The following TGIF2 variants were observed in gnomAD, a reference collection of about 807,000 sequenced individuals.
TGIF2 encodes homeobox protein TGIF2.
In TGIF2, 5 loss-of-function variants were observed where a neutral mutation model predicts 15.1. The observed-to-expected ratio is 0.33, with a 90% CI of 0.17 to 0.70. TGIF2 has a LOEUF of 0.70. TGIF2 is among the 30% of genes least tolerant of loss of function. TGIF2 has a pLI of 0.67. For synonymous variants in TGIF2, 131 were observed against 128.9 expected (o/e 1.02, Z -0.11); for missense variants, 264 against 302.5 (o/e 0.87, Z 0.94).
Position 36,592,172 on chromosome 20 carries a change from A to AG in TGIF2, c.*741_*742insG, listed in dbSNP as rs2038779332. 1 of 152,410 alleles carries AG rather than the reference A, an allele frequency of 6.6e-6. No individual in the cohort carries two copies. The allele number at this position is 152,410 out of a possible 1,614,324, so 9.4% of individuals were successfully genotyped here. ...GTTTACCAAAAAAAAGGCAGGGAAAAAAAAAAAAAACAACCGTATGAGCGC... is the reference window on the plus strand; with the variant it reads ...GTTTACCAAAAAAAAGGCAGGGAAAAGAAAAAAAAAACAACCGTATGAGCGC... On this transcript the variant is annotated 3_prime_UTR_variant, in exon 3 of 3. Transcript: ENST00000373872.
At chr20:36,574,439 T>TGGGGGGGGGGGGG (rs1237948383) in intron 1 of TGIF2, 2 of 7,986 alleles carry the variant, frequency 2.5e-4, no homozygotes, top group Admixed American at 1.4e-3. Flanking sequence ...GGCGCAGGGC[T>TGGGGGGGGGGGGG]GGGGGGGGGG....
intron 1 of TGIF2, among the ~76,000 whole-genome samples, chr20:36,577,613 G>A (rs1040587386): frequency 2.0e-5 from 3 of 150,770 alleles, no homozygotes; most frequent in Non-Finnish European, 2.9e-5. Flanking sequence ...CCACCTCCCA[G>A]GTTCAAGCAA....
At chr20:36,590,205 C>T (rs988410297) in intron 2 of TGIF2, among the ~76,000 whole-genome samples, 1 of 152,220 alleles carries the variant, frequency 6.6e-6, no homozygotes, top group Non-Finnish European at 1.5e-5. Flanking sequence ...GATCTGCCCA[C>T]CTCGGCCTCC....
intron 1 of TGIF2, among the ~76,000 whole-genome samples, chr20:36,576,189 G>C (rs1479983744): frequency 6.6e-6 from 1 of 152,206 alleles, no homozygotes; most frequent in Admixed American, 6.5e-5. Context: ...GGGTTATCTA[G>C]GGAAAATCCT....
At chr20:36,575,866 G>A (rs2038417179) in intron 1 of TGIF2, among the ~76,000 whole-genome samples, 1 of 152,104 alleles carries the variant, frequency 6.6e-6, no homozygotes, top group Non-Finnish European at 1.5e-5. Flanking sequence ...GCCGAGGCGG[G>A]CAGATCACCT....
intron 1 of TGIF2, among the ~76,000 whole-genome samples, chr20:36,576,793 C>A (rs1600767491): frequency 6.6e-6 from 1 of 152,164 alleles, no homozygotes; most frequent in African/African-American, 2.4e-5. Flanking sequence ...GCAACCTCTG[C>A]CTCCGGGCTC....
intron 1 of TGIF2, among the ~76,000 whole-genome samples, chr20:36,577,127 C>G (rs983945607): frequency 2.0e-5 from 3 of 152,166 alleles, no homozygotes; most frequent in Non-Finnish European, 4.4e-5. Flanking sequence ...ATCCTCTCAC[C>G]TCAGCCTCTC....
chr20:36,579,731 C>T (rs190048659), intron 2 of TGIF2, among the ~76,000 whole-genome samples: 2 of 152,250 alleles, frequency 1.3e-5, no homozygotes, highest in Non-Finnish European at 2.9e-5. Context: ...TTCTGCCTCA[C>T]GTCTTGATTT....
At chr20:36,584,391 G>T (rs566732629) in intron 2 of TGIF2, among the ~76,000 whole-genome samples, 1 of 152,118 alleles carries the variant, frequency 6.6e-6, no homozygotes, top group Non-Finnish European at 1.5e-5. Context: ...GTATCTGGTA[G>T]GTAGGTGCTC....
chr20:36,576,093 A>G (rs2038423348), intron 1 of TGIF2, among the ~76,000 whole-genome samples: 1 of 147,254 alleles, frequency 6.8e-6, no homozygotes, highest in South Asian at 2.1e-4. Context: ...CTCCATCTCA[A>G]AAAAAAAAAA....
chr20:36,580,477 CT>C, intron 2 of TGIF2, among the ~76,000 whole-genome samples: 1 of 152,132 alleles, frequency 6.6e-6, no homozygotes, highest in Non-Finnish European at 1.5e-5. Context: ...GATTGTAGCA[CT>C]TTCATGAGTG....
chr20:36,579,713 T>C (rs550305615), intron 2 of TGIF2, among the ~76,000 whole-genome samples: 1 of 152,282 alleles, frequency 6.6e-6, no homozygotes, highest in East Asian at 1.9e-4. Flanking sequence ...TCTGTGTTCA[T>C]AATCCAGTTC....
intron 2 of TGIF2, among the ~76,000 whole-genome samples, chr20:36,588,551 C>T (rs1161339637): frequency 3.9e-5 from 6 of 151,934 alleles, no homozygotes; most frequent in African/African-American, 1.5e-4. Context: ...TTAGGGTTTT[C>T]CCACAGCTCT....
chr20:36,591,122 C>T lies in TGIF2; in HGVS notation c.405C>T (p.His135=). Residue 135 remains histidine, a synonymous_variant, in exon 3 of 3, where the codon CAC becomes CAT. Transcript: ENST00000373872. This position sits in a 1 kb window ranked among gnomAD's most constrained non-coding sequence, Gnocchi z 5.3. ...TGTCTGTGTGCTCCATGCCGCTTCA[C>T]TCAGGCCAGGGGGAAAAGCCAGCAG... ...LSLSVCSMPL[H]SGQGEKPAAP... 2 of 1,612,716 alleles carry T rather than the reference C, an allele frequency of 1.2e-6. No homozygotes were observed. Among genetic ancestry groups the T allele is most frequent in the Non-Finnish European group, 1.7e-6 (2 of 1,178,950 alleles).
intron 1 of TGIF2, among the ~76,000 whole-genome samples, chr20:36,575,657 C>G (rs1479277473): frequency 1.3e-5 from 2 of 152,098 alleles, no homozygotes; most frequent in South Asian, 2.1e-4. Context: ...GCCCAGAGAT[C>G]TGGGCTCGGG....
chr20:36,575,016 T>G (rs909463127), intron 1 of TGIF2, among the ~76,000 whole-genome samples: 4 of 151,848 alleles, frequency 2.6e-5, no homozygotes, highest in Non-Finnish European at 4.4e-5. Context: ...ATTGTTAGTG[T>G]GATGACGCCT....
intron 2 of TGIF2, among the ~76,000 whole-genome samples, chr20:36,587,389 G>C (rs147134573): frequency 3.3e-5 from 5 of 152,246 alleles, no homozygotes; most frequent in Non-Finnish European, 4.4e-5. Context: ...TGCCCAGACT[G>C]CCCTCCATGA....
chr20:36,591,005 C>T lies in TGIF2; in HGVS notation c.288C>T (p.Arg96=), dbSNP rs139445684. The T allele has an allele frequency of 3.6e-5, 57 of 1,592,542 alleles. No homozygotes were observed. The highest frequency in any genetic ancestry group is 1.7e-4 in the African/African-American group (13 of 74,542). ...CTAATCAGTTTACCATTTCCCGCCG[C>T]GGGGGTAAGGCCTCAGATGTGGCCC... ...KDPNQFTISR[R]GGKASDVALP... is the part of the protein sequence containing the mutation. The change falls in exon 3 of 3, where the codon CGC becomes CGT. Residue 96 remains arginine (R), a synonymous_variant. Transcript: ENST00000373872. This position sits in a 1 kb window ranked among gnomAD's most constrained non-coding sequence, Gnocchi z 5.3.
intron 2 of TGIF2, among the ~76,000 whole-genome samples, chr20:36,585,203 AAAAAG>A (rs1381458898): frequency 6.6e-6 from 1 of 151,918 alleles, no homozygotes; most frequent in Non-Finnish European, 1.5e-5. Flanking sequence ...CATCTCAAAA[AAAAAG>A]AGAAAAAAGC....
Sources: allele counts gnomAD v4.1 joint callset (sites outside exome capture counted in the v4.1 genomes callset), GRCh38; gene constraint gnomAD v4.1.1; non-coding constraint Gnocchi (gnomAD v3.1); transcripts MANE v1.5; gene names NCBI Gene and HGNC (gene_info 2026-07-23, HGNC 2026-07-21).